UBOX5: variants seen among roughly 807,000 people sequenced by gnomAD.
The protein encoded by UBOX5 is U-box domain containing 5, also known as RING finger protein 37.
A neutral mutation model predicts 39.0 loss-of-function variants in UBOX5; 28 were observed. The observed-to-expected ratio is 0.72, with a 90% CI of 0.53 to 0.98. The LOEUF (loss-of-function observed/expected upper bound fraction) is 0.98. Ranked by LOEUF, UBOX5 falls within the 50% of genes least tolerant of loss-of-function variation. The pLI, the probability that UBOX5 is intolerant of heterozygous loss-of-function variation, is 0.00. For missense variants in UBOX5, 585 were observed against 674.4 expected (o/e 0.87, Z 1.47); for synonymous variants, 283 against 275.5 (o/e 1.03, Z -0.27).
chr20:3,116,310 G>A (rs181389991), intron 3 of UBOX5, among the ~76,000 whole-genome samples: 88 of 152,236 alleles, frequency 5.8e-4, no homozygotes, highest in Admixed American at 1.8e-3. Flanking sequence ...CGTTGACCAC[G>A]CCACAATTTA....
At chr20:3,154,609 A>G (rs1381711607) in intron 1 of UBOX5, among the ~76,000 whole-genome samples, 2 of 152,126 alleles carry the variant, frequency 1.3e-5, no homozygotes, top group African/African-American at 2.4e-5. Flanking sequence ...CTTGAGCCCA[A>G]AAAGTTAAGG....
Position 3,137,300 on chromosome 20 carries a change from CAT to C in UBOX5, c.-41-13896_-41-13895del, listed in dbSNP as rs201277879. On this transcript the variant is annotated intron_variant, in intron 1 of 4. Coordinates refer to ENST00000217173, the MANE Select transcript of UBOX5 (RefSeq NM_014948.4). ...AAACTTTTAAAGATAATTGTAGACT[CAT>C]GTGTAGTTGTTAAAAAACAATACAG... Among the ~76,000 whole-genome samples the C allele has an allele frequency of 1.9e-3, 289 of 152,160 alleles. 9 individuals are homozygous for C. In the East Asian group the frequency reaches 0.043, roughly 23 times the overall value.
At chr20:3,140,379 G>A (rs146297588) in intron 1 of UBOX5, among the ~76,000 whole-genome samples, 179 of 152,202 alleles carry the variant, frequency 1.2e-3, no homozygotes, top group African/African-American at 3.9e-3. Flanking sequence ...CAGATAAGCC[G>A]TCTTTCTCCT....
chr20:3,138,724 T>C (rs1033240336), intron 1 of UBOX5, among the ~76,000 whole-genome samples: 22 of 152,190 alleles, frequency 1.4e-4, no homozygotes. Flanking sequence ...TCCTTGGAGC[T>C]TGAAGCAACC....
intron 4 of UBOX5, among the ~76,000 whole-genome samples, chr20:3,111,257 G>A (rs527970196): frequency 1.3e-5 from 2 of 152,190 alleles, no homozygotes; most frequent in East Asian, 3.9e-4. Flanking sequence ...CTACTCTCTG[G>A]AGGACCCCAA....
chr20:3,142,514 G>A (rs2066525532), intron 1 of UBOX5, among the ~76,000 whole-genome samples: 1 of 149,998 alleles, frequency 6.7e-6, no homozygotes, highest in Non-Finnish European at 1.5e-5. Flanking sequence ...TGAGGCAGGA[G>A]AATCTCTTGA....
chr20:3,136,437 T>G (rs1194532825), intron 1 of UBOX5, among the ~76,000 whole-genome samples: 1 of 152,000 alleles, frequency 6.6e-6, no homozygotes, highest in Non-Finnish European at 1.5e-5. Context: ...TAATGAAACC[T>G]CCACCTCCCA....
At chr20:3,112,706 TGTAATCCCAGC>T (rs1438113017) in intron 4 of UBOX5, among the ~76,000 whole-genome samples, 9 of 151,984 alleles carry the variant, frequency 5.9e-5, no homozygotes, top group African/African-American at 1.7e-4. Context: ...GTAATCCCAG[TGTAATCCCAGC>T]ACTCTGGGAG....
At chr20:3,115,209 G>A in intron 4 of UBOX5, 96 bp downstream of exon 4, 2 of 1,441,592 alleles carry the variant, frequency 1.4e-6, no homozygotes, top group Non-Finnish European at 1.8e-6. Flanking sequence ...TGGCCAGGCA[G>A]GTCCACAGAG....
At chr20:3,141,570 C>T (rs1568478731) in intron 1 of UBOX5, among the ~76,000 whole-genome samples, 1 of 151,902 alleles carries the variant, frequency 6.6e-6, no homozygotes, top group Non-Finnish European at 1.5e-5. Flanking sequence ...CACTTGAACC[C>T]GGGAGGCGGA....
At position 3,141,079 on chromosome 20, in the gene UBOX5, C is replaced by T. The variant is rs142819741; in HGVS notation, c.-41-17673G>A. On this transcript the variant is annotated intron_variant, in intron 1 of 4. Transcript: ENST00000217173. The stretch of plus-strand genomic sequence containing the variant: ...GATTACAGACACGTGCCATCATGCC[C>T]GGCTAATTTCTGTATTTTCAGTAGA... Among the ~76,000 whole-genome samples the T allele has an allele frequency of 5.5e-3, 828 of 151,802 alleles. 12 individuals are homozygous for T. Among genetic ancestry groups the T allele is most frequent in the African/African-American group, 0.019 (769 of 41,400 alleles).
At chr20:3,110,872 G>C (rs2066248607) in intron 4 of UBOX5, among the ~76,000 whole-genome samples, 1 of 151,796 alleles carries the variant, frequency 6.6e-6, no homozygotes, top group Non-Finnish European at 1.5e-5. Flanking sequence ...AGCAGCACAT[G>C]GTCCAGTGCA....
Position 3,122,106 on chromosome 20 carries a change from GT to G in UBOX5, c.532del (p.Thr178ProfsTer3). 1 of 1,614,238 alleles carries G rather than the reference GT, an allele frequency of 6.2e-7. No homozygotes were observed. The highest frequency in any genetic ancestry group is 1.6e-4 in the Middle Eastern group (1 of 6,062). ...AGGGATACCGCCGCCTGTCACATGG[GT>G]GATACAGATCCTTAAGTGGGCCACG... Reference protein sequence around the residue: ...SHVAHLRICITHVTGGGIPCI... With the variant: ...SHVAHLRICIXHVTGGGIPCI... On this transcript the variant is annotated frameshift_variant, in exon 3 of 5. Transcript: ENST00000217173. LOFTEE classifies it high-confidence loss of function.
At chr20:3,133,305 C>T (rs2148606000) in intron 1 of UBOX5, among the ~76,000 whole-genome samples, 1 of 152,256 alleles carries the variant, frequency 6.6e-6, no homozygotes, top group African/African-American at 2.4e-5. Flanking sequence ...AAAATGCAAA[C>T]AGCCTAGCCC....
At chr20:3,145,440 C>T (rs2145221) in intron 1 of UBOX5, among the ~76,000 whole-genome samples, 136,784 of 142,386 alleles carry the variant, frequency 0.96, 65,792 homozygotes, top group South Asian at 0.98. Flanking sequence ...GCCTTTTTTT[C>T]CTTTTTTTTT....
At chr20:3,158,767 T>G (rs559754838) in intron 1 of UBOX5, among the ~76,000 whole-genome samples, 2 of 152,228 alleles carry the variant, frequency 1.3e-5, no homozygotes, top group African/African-American at 2.4e-5. Flanking sequence ...AGCCACTGTG[T>G]CCGGCCCAGA....
At chr20:3,147,799 G>A in intron 1 of UBOX5, 1 of 1,614,190 alleles carries the variant, frequency 6.2e-7, no homozygotes, top group Non-Finnish European at 8.5e-7. Context: ...TACTTCGACA[G>A]TGTGCCACTC....
intron 3 of UBOX5, among the ~76,000 whole-genome samples, chr20:3,117,812 C>T (rs113224915): frequency 0.072 from 10,944 of 151,736 alleles, 501 homozygotes; most frequent in Middle Eastern, 0.12. Context: ...GCCAACATGG[C>T]GAAACCCCAT....
rs372715804 is a variant in UBOX5 at position 3,121,882 on chromosome 20, C to T, written c.757G>A (p.Ala253Thr). ...TCAGGCACATCCTGAATGATCTCGG[C>T]CAGCTTCTGCAGGCTGGAGGGAGCC... ...QQAPSSLQKL[A>T]EIIQDVPEEF... Residue 253 changes from alanine (A) to threonine (T), a missense_variant, in exon 3 of 5, where the codon GCC (alanine) becomes ACC (threonine). Coordinates refer to ENST00000217173, the MANE Select transcript of UBOX5 (RefSeq NM_014948.4). 13 of 1,613,818 alleles carry T rather than the reference C, an allele frequency of 8.1e-6. No individual in the cohort carries two copies. The highest frequency in any genetic ancestry group is 1.1e-5 in the Non-Finnish European group (13 of 1,180,044).
Sources: gnomAD v4.1 joint callset for allele counts (sites outside exome capture counted in the v4.1 genomes callset) on GRCh38, gnomAD v4.1.1 for gene constraint, MANE v1.5 for transcripts, NCBI Gene and HGNC (gene_info 2026-07-23, HGNC 2026-07-21) for gene names.